KAZN: variants seen among roughly 807,000 people sequenced by gnomAD.
The protein encoded by KAZN is kazrin.
KAZN carries 40 observed loss-of-function variants against 87.4 expected under a neutral mutation model. The ratio of observed to expected loss-of-function variants is 0.46; its 90% CI spans 0.36 to 0.60. The LOEUF is 0.60. KAZN is among the 20% of genes least tolerant of loss of function. The probability of loss-of-function intolerance (pLI) is 0.00; values close to 1 mark genes in which losing one functional copy is unlikely to be tolerated. For missense variants in KAZN, 898 were observed against 1,073.9 expected (o/e 0.84, Z 2.29); for synonymous variants, 466 against 458.3 (o/e 1.02, Z -0.22).
chr1:14,295,954 T>C (rs1162130414), intron 2 of KAZN, among the ~76,000 whole-genome samples: 5 of 152,096 alleles, frequency 3.3e-5, no homozygotes, highest in African/African-American at 2.4e-5. Context: ...GATTGCCCAG[T>C]TTGGAATTCT....
At chr1:14,617,939 A>G (rs1208834367) in intron 1 of KAZN, among the ~76,000 whole-genome samples, 2 of 152,154 alleles carry the variant, frequency 1.3e-5, no homozygotes, top group African/African-American at 2.4e-5. Context: ...CGCTCACCTT[A>G]AATATGCCCA....
At chr1:14,789,486 C>G (rs1645607988) in intron 1 of KAZN, among the ~76,000 whole-genome samples, 1 of 152,130 alleles carries the variant, frequency 6.6e-6, no homozygotes, top group Non-Finnish European at 1.5e-5. Flanking sequence ...TCTGGTGCCT[C>G]TCACCTGAAC....
At chr1:14,712,683 T>C (rs771554143) in intron 1 of KAZN, among the ~76,000 whole-genome samples, 10 of 152,140 alleles carry the variant, frequency 6.6e-5, no homozygotes, top group Non-Finnish European at 1.3e-4. Context: ...TCATCTATTA[T>C]TACCCGAAAA....
intron 1 of KAZN, among the ~76,000 whole-genome samples, chr1:14,040,654 C>T (rs370566884): frequency 6.6e-6 from 1 of 152,026 alleles, no homozygotes; most frequent in Non-Finnish European, 1.5e-5. Flanking sequence ...CCCAGCTACT[C>T]AGGCTGGGGC....
rs1490401330 is a variant in KAZN at position 14,172,750 on chromosome 1, G to A, written c.92-7685G>A. On this transcript the variant is annotated intron_variant, in intron 1 of 16. Transcript: ENST00000636203. ...GGCTGGTGCCATGGCAAGGGCCTCC[G>A]TGATGGCGGATGGCTGGATTTCTTG... 2.6e-5 allele frequency among the ~76,000 whole-genome samples: 4 copies of A among 152,238 alleles called. No individual in the cohort carries two copies. The East Asian group carries it at 7.7e-4, about 29-fold the overall frequency.
intron 1 of KAZN, among the ~76,000 whole-genome samples, chr1:14,824,695 C>T (rs1288157887): frequency 1.3e-5 from 2 of 152,196 alleles, no homozygotes; most frequent in Non-Finnish European, 1.5e-5. Context: ...TGATCATCAT[C>T]GTCATCATCA....
chr1:14,501,025 G>A (rs1311329248), intron 2 of KAZN, among the ~76,000 whole-genome samples: 1 of 149,298 alleles, frequency 6.7e-6, no homozygotes, highest in Non-Finnish European at 1.5e-5. Flanking sequence ...GTTTAAAGAA[G>A]AATAAATACC....
intron 1 of KAZN, among the ~76,000 whole-genome samples, chr1:14,153,494 G>C (rs1645521186): frequency 6.6e-6 from 1 of 152,116 alleles, no homozygotes; most frequent in Non-Finnish European, 1.5e-5. Context: ...TGAGTTTGCT[G>C]CCAGGTGCAG....
At chr1:14,892,413 C>T (rs531503249) in intron 1 of KAZN, among the ~76,000 whole-genome samples, 2 of 151,690 alleles carry the variant, frequency 1.3e-5, no homozygotes, top group Admixed American at 1.3e-4. Context: ...CCCCCTCCCC[C>T]CTGCTGTCTC....
chr1:14,824,759 A>G (rs1646835873), intron 1 of KAZN, among the ~76,000 whole-genome samples: 1 of 152,070 alleles, frequency 6.6e-6, no homozygotes, highest in Non-Finnish European at 1.5e-5. Flanking sequence ...CTCCTCTCCT[A>G]TGGGGGTAGT....
At chr1:14,913,848 G>A (rs1161838737) in intron 1 of KAZN, among the ~76,000 whole-genome samples, 1 of 152,236 alleles carries the variant, frequency 6.6e-6, no homozygotes, top group African/African-American at 2.4e-5. Flanking sequence ...GCAGCCGCAG[G>A]CGTGTGCAGA....
chr1:15,037,055 C>G (rs1672413028), intron 3 of KAZN, among the ~76,000 whole-genome samples: 1 of 152,030 alleles, frequency 6.6e-6, no homozygotes, highest in Admixed American at 6.5e-5. Flanking sequence ...CCCCCTGGCA[C>G]TCAGCACAGC....
At chr1:14,195,248 A>G (rs1646503243) in intron 2 of KAZN, among the ~76,000 whole-genome samples, 1 of 152,134 alleles carries the variant, frequency 6.6e-6, no homozygotes, top group Non-Finnish European at 1.5e-5. Context: ...CAATATGGAC[A>G]GGTTTACTCT....
chr1:14,557,522 G>A (rs923474275), intron 2 of KAZN, among the ~76,000 whole-genome samples: 3 of 151,612 alleles, frequency 2.0e-5, no homozygotes, highest in East Asian at 3.9e-4. Context: ...ACAAATAATC[G>A]ATATTTATAA....
chr1:14,349,013 G>A (rs1658321115), intron 2 of KAZN: 2 of 152,216 alleles, frequency 1.3e-5, no homozygotes, highest in Non-Finnish European at 2.9e-5. Flanking sequence ...TGTGTGTTGA[G>A]CTTTTGGCTG....
chr1:14,919,402 C>T (rs1658248792), intron 1 of KAZN, among the ~76,000 whole-genome samples: 1 of 152,202 alleles, frequency 6.6e-6, no homozygotes, highest in Admixed American at 6.5e-5. Flanking sequence ...GTCTCGAACG[C>T]CTGACCTCAG....
In KAZN at chr1:14,996,442, C is replaced by A. The variant is rs1349429856; in HGVS notation, c.418+35567C>A. On this transcript the variant is annotated intron_variant, in intron 2 of 14. Transcript: ENST00000376030. This position sits in a 1 kb window ranked among gnomAD's most constrained non-coding sequence, Gnocchi z 5.9. ...ACTTAGTCATCACTGTATCATCAGA[C>A]CCGGCACAGGGCCTGGCCTACAGTG... is the stretch of plus-strand genomic sequence containing the variant. Among the ~76,000 whole-genome samples, 1 of 152,180 alleles carries A rather than the reference C, an allele frequency of 6.6e-6. No homozygotes were observed. The highest frequency in any genetic ancestry group is 1.5e-5 in the Non-Finnish European group (1 of 68,032).
intron 1 of KAZN, among the ~76,000 whole-genome samples, chr1:14,104,931 G>A (rs1644335348): frequency 6.6e-6 from 1 of 151,728 alleles, no homozygotes; most frequent in Admixed American, 6.6e-5. Context: ...CAATTTTTTT[G>A]GTCAAATCCC....
intron 1 of KAZN, among the ~76,000 whole-genome samples, chr1:14,043,246 T>A (rs1445990324): frequency 3.3e-5 from 5 of 152,234 alleles, no homozygotes; most frequent in African/African-American, 1.2e-4. Flanking sequence ...GTGTCAGAAT[T>A]TCCTTCCTTT....
Sources: gnomAD v4.1 joint callset for allele counts (sites outside exome capture counted in the v4.1 genomes callset) on GRCh38, gnomAD v4.1.1 for gene constraint, Gnocchi (gnomAD v3.1) non-coding constraint, MANE v1.5 for transcripts, NCBI Gene and HGNC (gene_info 2026-07-23, HGNC 2026-07-21) for gene names.